CRX: variants seen among roughly 807,000 people sequenced by gnomAD.
CRX encodes cone-rod homeobox.
In CRX, 5 loss-of-function variants were observed where a neutral mutation model predicts 13.1. The observed-to-expected ratio is 0.38, with a 90% CI of 0.20 to 0.80. CRX has a LOEUF of 0.80. CRX is among the 30% of genes least tolerant of loss of function. The pLI is 0.43. For synonymous variants in CRX, 179 were observed against 171.1 expected, an observed-to-expected ratio of 1.05 and a Z score of -0.36; for missense variants, 351 against 391.8, an observed-to-expected ratio of 0.90 and a Z score of 0.88.
At chr19:47,836,462 AG>A (rs1008919046) in intron 3 of CRX, 68 bp downstream of exon 3, 2 of 1,596,878 alleles carry the variant, frequency 1.3e-6, no homozygotes, top group African/African-American at 2.7e-5. Context: ...CCCGGAACAA[AG>A]AGTGATGGGA....
chr19:47,824,793 C>A (rs887381069), intron 1 of CRX, among the ~76,000 whole-genome samples: 1 of 152,130 alleles, frequency 6.6e-6, no homozygotes, highest in African/African-American at 2.4e-5. Flanking sequence ...TGGGGCCTCC[C>A]AGGTTGATCC....
chr19:47,840,914 A>T lies in CRX; in HGVS notation c.*947A>T, dbSNP rs1273146013. On this transcript the variant is annotated 3_prime_UTR_variant, in exon 4 of 4. Transcript: ENST00000221996. ...TTATTAGTAGAGACAGGGTTTTACC[A>T]TGTTGGCCAGGCTGGTCTGGAACCC... 1 of 147,860 alleles carries T rather than the reference A, an allele frequency of 6.8e-6. No homozygotes were observed. The highest frequency in any genetic ancestry group is 2.5e-5 in the African/African-American group (1 of 39,764). The allele number at this position is 147,860 out of a possible 1,614,324, so 9.2% of individuals were successfully genotyped here. A position where few individuals can be genotyped will look rare whatever the true frequency, so the allele number is the denominator to read the frequency against.
chr19:47,832,105 G>GTTTTTTTGTTTTTT (rs1968055088), intron 1 of CRX, among the ~76,000 whole-genome samples: 1 of 91,988 alleles, frequency 1.1e-5, no homozygotes, highest in African/African-American at 4.6e-5. Context: ...GCAGCCTTAT[G>GTTTTTTTGTTTTTT]TTTTTTTTTT....
intron 1 of CRX, among the ~76,000 whole-genome samples, chr19:47,833,005 G>A (rs1045144050): frequency 1.7e-4 from 25 of 145,714 alleles, no homozygotes; most frequent in South Asian, 1.3e-3. Flanking sequence ...TAGGTCAAAA[G>A]TGATCATGGA....
At chr19:47,835,495 C>T (rs1968106293) in intron 2 of CRX, among the ~76,000 whole-genome samples, 1 of 151,626 alleles carries the variant, frequency 6.6e-6, no homozygotes, top group South Asian at 2.1e-4. Context: ...AGTGATTCTC[C>T]TGCCTCAGCC....
intron 1 of CRX, among the ~76,000 whole-genome samples, 167 bp from the exon 2 acceptor site, chr19:47,834,241 AG>A (rs1026574338): frequency 6.6e-6 from 1 of 152,198 alleles, no homozygotes; most frequent in African/African-American, 2.4e-5. Context: ...GAGAACCTTA[AG>A]CAGAGGCCAT....
intron 1 of CRX, among the ~76,000 whole-genome samples, chr19:47,822,884 C>G (rs1411246398): frequency 2.0e-5 from 3 of 152,176 alleles, no homozygotes; most frequent in African/African-American, 7.2e-5. Context: ...ACCTCTACCT[C>G]CTAGGTCCAA....
At chr19:47,836,482 A>G (rs763214349) in intron 3 of CRX, 88 bp downstream of exon 3, 4 of 1,555,588 alleles carry the variant, frequency 2.6e-6, no homozygotes, top group Non-Finnish European at 3.5e-6. Flanking sequence ...GAGGAGGGAG[A>G]GATCACAGAG....
At chr19:47,829,489 G>A (rs576353546) in intron 1 of CRX, among the ~76,000 whole-genome samples, 149 of 152,110 alleles carry the variant, frequency 9.8e-4, no homozygotes, top group African/African-American at 3.0e-3. Context: ...CCACCACCAC[G>A]CCTGCCTAAT....
chr19:47,822,274 C>T (rs946721578), intron 1 of CRX, among the ~76,000 whole-genome samples: 4 of 152,086 alleles, frequency 2.6e-5, no homozygotes, highest in African/African-American at 4.8e-5. Context: ...GGCTTGTGGG[C>T]AAGGGGGTCC....
At chr19:47,832,805 C>T (rs540069251) in intron 1 of CRX, among the ~76,000 whole-genome samples, 15 of 151,424 alleles carry the variant, frequency 9.9e-5, no homozygotes, top group African/African-American at 3.4e-4. Context: ...GATTTTCATT[C>T]CCATTTTCCA....
chr19:47,830,273 C>G (rs115031666), intron 1 of CRX, among the ~76,000 whole-genome samples: 2 of 151,874 alleles, frequency 1.3e-5, no homozygotes, highest in African/African-American at 4.8e-5. Flanking sequence ...AACGCCGCTG[C>G]ACTCCGGCCT....
rs1441890796 is a variant in CRX at position 47,836,293 on chromosome 19, C to T, written c.151C>T (p.Leu51=). 6.2e-7 allele frequency: 1 copy of T among 1,614,206 alleles called. No individual in the cohort carries two copies. The highest frequency in any genetic ancestry group is 2.2e-5 in the East Asian group (1 of 44,878). The change falls in exon 3 of 4, where the codon CTG becomes TTG. Residue 51 remains leucine (L), a synonymous_variant. Coordinates refer to ENST00000221996, the MANE Select transcript of CRX (RefSeq NM_000554.6). ...GCGCACCACCTTCACCCGGAGCCAA[C>T]TGGAGGAGCTGGAGGCACTGTTTGC... is the stretch of plus-strand genomic sequence containing the variant. The part of the protein sequence containing the change: ...RERTTFTRSQ[L]EELEALFAKT...
chr19:47,842,150 T>C lies in CRX; in HGVS notation c.*2183T>C, dbSNP rs7259671. 0.67 allele frequency: 102,042 copies of C among 152,384 alleles called. 35,596 individuals carry two copies. The highest frequency in any genetic ancestry group is 0.81 in the African/African-American group (33,750 of 41,508). 9.4% of individuals were successfully genotyped at this position (152,384 alleles called of 1,614,324 possible). ...AGGTATCAGATGACGTTTCCAGCAC[T>C]AGACCAGAAGAGGTGCACACAGCCT... On this transcript the variant is annotated 3_prime_UTR_variant, in exon 4 of 4. Transcript: ENST00000221996.
chr19:47,834,475 A>G lies in CRX; in HGVS notation c.32A>G (p.Tyr11Cys). 6.2e-7 allele frequency: 1 copy of G among 1,614,056 alleles called. No individual in the cohort carries two copies. Among genetic ancestry groups the G allele is most frequent in the Non-Finnish European group, 8.5e-7 (1 of 1,180,002 alleles). Reference sequence around the variant, plus strand: ...GCGTATATGAACCCGGGGCCCCACTATTCTGTCAACGCCTTGGCCCTAAGT... The same window carrying G: ...GCGTATATGAACCCGGGGCCCCACTGTTCTGTCAACGCCTTGGCCCTAAGT... MMAYMNPGPHYSVNALALSGP... is the reference protein window; with the variant it reads MMAYMNPGPHCSVNALALSGP... The change falls in exon 2 of 4, where the codon TAT (tyrosine) becomes TGT (cysteine). Residue 11 changes from tyrosine (Y) to cysteine (C), a missense_variant. This residue lies in a region of CRX where 95 missense variants were observed against 106.7 expected (regional missense o/e 0.89). Coordinates refer to ENST00000221996, the MANE Select transcript of CRX (RefSeq NM_000554.6).
At position 47,842,307 on chromosome 19, in the gene CRX, T is replaced by G. The variant is rs1362683020; in HGVS notation, c.*2340T>G. 6.6e-6 allele frequency: 1 copy of G among 152,078 alleles called. No homozygotes were observed. The highest frequency in any genetic ancestry group is 1.5e-5 in the Non-Finnish European group (1 of 68,086). The allele number at this position is 152,078 out of a possible 1,614,324, so 9.4% of individuals were successfully genotyped here. ...ACATTAAGCCCAGGAGTGGGCCGGG[T>G]GCGGTGGCTCACGCCTGTAATCCCA... On this transcript the variant is annotated 3_prime_UTR_variant, in exon 4 of 4. Coordinates refer to ENST00000221996, the MANE Select transcript of CRX (RefSeq NM_000554.6).
intron 1 of CRX, among the ~76,000 whole-genome samples, chr19:47,827,697 T>C (rs1195880683): frequency 2.0e-5 from 3 of 149,894 alleles, no homozygotes; most frequent in African/African-American, 7.3e-5. Context: ...CTAATTTTTG[T>C]ATTTTAGTAG....
intron 3 of CRX, 42 bp downstream of exon 3, chr19:47,836,436 G>C: frequency 6.2e-7 from 1 of 1,613,538 alleles, no homozygotes. Flanking sequence ...CACTTCCTGT[G>C]ATCTCAGGAG....
chr19:47,836,123 T>G (rs1232113170), intron 2 of CRX, 120 bp from the exon 3 acceptor site: 11 of 1,274,744 alleles, frequency 8.6e-6, no homozygotes, highest in Non-Finnish European at 1.2e-5. Context: ...GAATGTGTAT[T>G]CCATCCTTAG....
Sources: gnomAD v4.1 joint callset for allele counts (sites outside exome capture counted in the v4.1 genomes callset) on GRCh38, gnomAD v4.1.1 for gene constraint, gnomAD v4.1.1 regional missense constraint, MANE v1.5 for transcripts, NCBI Gene and HGNC (gene_info 2026-07-23, HGNC 2026-07-21) for gene names.